STK24: variants seen among roughly 807,000 people sequenced by gnomAD.
The protein encoded by STK24 is serine/threonine-protein kinase 24.
STK24 carries 21 observed loss-of-function variants against 55.6 expected under a neutral mutation model. That is an observed-to-expected ratio of 0.38 (90% CI 0.27 to 0.54). STK24 has a LOEUF of 0.54. Ranked by LOEUF, STK24 falls within the 20% of genes least tolerant of loss-of-function variation. The pLI, the probability that STK24 is intolerant of heterozygous loss-of-function variation, is 0.79. For synonymous variants in STK24, 200 were observed against 215.2 expected (o/e 0.93, Z 0.62); for missense variants, 383 against 538.4 (o/e 0.71, Z 2.86).
At chr13:98,543,466 A>G (rs9556968) in intron 1 of STK24, among the ~76,000 whole-genome samples, 103,087 of 152,002 alleles carry the variant, frequency 0.68, 35,455 homozygotes, top group Non-Finnish European at 0.75. Flanking sequence ...CTGCTCTCAG[A>G]ACATTCTGGT....
At chr13:98,537,147 C>T (rs1358687698) in intron 1 of STK24, among the ~76,000 whole-genome samples, 1 of 152,236 alleles carries the variant, frequency 6.6e-6, no homozygotes, top group African/African-American at 2.4e-5. Flanking sequence ...ACTGTGACCC[C>T]CTCAAGACCT....
At chr13:98,460,557 T>A in intron 8 of STK24, 117 bp from the exon 9 acceptor site, 2 of 764,768 alleles carry the variant, frequency 2.6e-6, no homozygotes, top group Non-Finnish European at 4.4e-6. Context: ...CACTTCACGC[T>A]GAGGAAACAC....
chr13:98,490,987 A>G (rs905296941), intron 2 of STK24, among the ~76,000 whole-genome samples: 1 of 152,056 alleles, frequency 6.6e-6, no homozygotes, highest in Non-Finnish European at 1.5e-5. Flanking sequence ...GCAAAGATGC[A>G]TGGGGACCAG....
intron 2 of STK24, among the ~76,000 whole-genome samples, chr13:98,517,618 C>T (rs1177992108): frequency 6.6e-6 from 1 of 152,046 alleles, no homozygotes; most frequent in Admixed American, 6.6e-5. Flanking sequence ...TTACACAGCA[C>T]GACTCCATCT....
rs527582277 is a variant in STK24, at chr13:98,570,256, G to A, written c.42+6489C>T. ...AGGAGAGATCAAAGGGGCTGCCCTC[G>A]GGGAATAAGAAATGGCGGGAGGTGG... On this transcript the variant is annotated intron_variant, in intron 1 of 10. Coordinates refer to ENST00000539966, the MANE Select transcript of STK24 (RefSeq NM_001032296.4). 2.5e-4 allele frequency among the ~76,000 whole-genome samples: 38 copies of A among 152,238 alleles called. No individual in the cohort carries two copies. The South Asian group carries it at 7.1e-3, about 28-fold the overall frequency.
Position 98,448,268 on chromosome 13 carries a change from C to T in STK24, c.*4905G>A. The T allele has an allele frequency of 6.2e-7, 1 of 1,614,140 alleles. No homozygotes were observed. The highest frequency in any genetic ancestry group is 1.1e-5 in the South Asian group (1 of 91,078). ...GAAGTGATCCGCAGTGCCACCAGCT[C>T]TGCCTCGCGACCCCACGTGTTGAGT... is the stretch of plus-strand genomic sequence containing the variant. On this transcript the variant is annotated 3_prime_UTR_variant, in exon 11 of 11. Coordinates refer to ENST00000539966, the MANE Select transcript of STK24 (RefSeq NM_001032296.4).
chr13:98,468,037 C>T (rs896540583), intron 5 of STK24, among the ~76,000 whole-genome samples: 73 of 152,324 alleles, frequency 4.8e-4, no homozygotes, highest in African/African-American at 1.7e-3. Flanking sequence ...CTCTCACACT[C>T]ACTCTACAGC....
intron 1 of STK24, among the ~76,000 whole-genome samples, chr13:98,536,959 G>A (rs181064281): frequency 1.3e-5 from 2 of 151,668 alleles, no homozygotes; most frequent in Non-Finnish European, 2.9e-5. Flanking sequence ...GTGTGCCCCC[G>A]ACACTGGCCG....
chr13:98,535,394 TGTATACACACACACAC>T (rs1566392202), intron 1 of STK24, among the ~76,000 whole-genome samples: 10 of 104,124 alleles, frequency 9.6e-5, no homozygotes, highest in African/African-American at 3.8e-4. Flanking sequence ...TATATATGTG[TGTATACACACACACAC>T]ACACACACAC....
At position 98,450,597 on chromosome 13, in the gene STK24, C is replaced by G. The variant is rs1893141399; in HGVS notation, c.*2576G>C. The G allele has an allele frequency of 6.6e-6, 1 of 152,420 alleles. No individual in the cohort carries two copies. Among genetic ancestry groups the G allele is most frequent in the African/African-American group, 2.4e-5 (1 of 41,456 alleles). The allele number at this position is 152,420 out of a possible 1,614,324, so 9.4% of individuals were successfully genotyped here. ...GCTACCAGCCACCCAGTCCACGGCC[C>G]TCGTCTCCCAGAGGCTGAGTACCTC... On this transcript the variant is annotated 3_prime_UTR_variant, in exon 11 of 11. Transcript: ENST00000539966.
At chr13:98,540,326 C>T (rs1448904409) in intron 1 of STK24, among the ~76,000 whole-genome samples, 1 of 152,180 alleles carries the variant, frequency 6.6e-6, no homozygotes, top group Non-Finnish European at 1.5e-5. Context: ...CTGCATTTTA[C>T]ACCTGAAATG....
intron 2 of STK24, among the ~76,000 whole-genome samples, chr13:98,518,487 T>C (rs1450877814): frequency 2.6e-5 from 4 of 152,240 alleles, no homozygotes; most frequent in Admixed American, 6.5e-5. Context: ...CCAATTCTTA[T>C]GATTTCTAAA....
chr13:98,470,088 CATAAAT>C (rs1298287431), intron 5 of STK24, among the ~76,000 whole-genome samples: 2 of 152,192 alleles, frequency 1.3e-5, no homozygotes, highest in Non-Finnish European at 2.9e-5. Context: ...TAGGGAAACT[CATAAAT>C]ATAATTGAGT....
intron 3 of STK24, among the ~76,000 whole-genome samples, chr13:98,481,532 T>A (rs1894578515): frequency 6.6e-6 from 1 of 152,212 alleles, no homozygotes; most frequent in South Asian, 2.1e-4. Context: ...ACCCTGCCCC[T>A]TACTTCCAAA....
intron 2 of STK24, among the ~76,000 whole-genome samples, chr13:98,516,880 C>T (rs530799746): frequency 1.3e-5 from 2 of 152,294 alleles, no homozygotes; most frequent in African/African-American, 4.8e-5. Context: ...ACCGGGGCAA[C>T]CTTAGATCAA....
chr13:98,464,184 G>A lies in STK24; in HGVS notation c.784-348C>T, dbSNP rs146289853. On this transcript the variant is annotated intron_variant, in intron 6 of 10. Coordinates refer to ENST00000539966, the MANE Select transcript of STK24 (RefSeq NM_001032296.4). ...TGTAATCCCAGCACTTTCGGAGGCCGAGGCGGGCAGATCACGAGGTCAGGA... is the reference window on the plus strand; with the variant it reads ...TGTAATCCCAGCACTTTCGGAGGCCAAGGCGGGCAGATCACGAGGTCAGGA... 6.8e-3 allele frequency among the ~76,000 whole-genome samples: 1,042 copies of A among 152,208 alleles called. 11 individuals are homozygous for A. Among genetic ancestry groups the A allele is most frequent in the African/African-American group, 0.023 (976 of 41,552 alleles).
chr13:98,573,215 G>A (rs112108978), intron 1 of STK24, among the ~76,000 whole-genome samples: 2 of 152,284 alleles, frequency 1.3e-5, no homozygotes, highest in African/African-American at 4.8e-5. Context: ...TCTTACATGG[G>A]TCACGGTTCA....
chr13:98,504,307 A>G (rs1213990804), intron 2 of STK24, among the ~76,000 whole-genome samples: 1 of 152,240 alleles, frequency 6.6e-6, no homozygotes, highest in Non-Finnish European at 1.5e-5. Context: ...GCTTCTGTCA[A>G]CAACAGTCAA....
At chr13:98,550,164 G>A (rs966896891) in intron 1 of STK24, among the ~76,000 whole-genome samples, 15 of 152,324 alleles carry the variant, frequency 9.8e-5, no homozygotes, top group South Asian at 8.3e-4. Context: ...TTCATGAAAC[G>A]TCATTAACAC....
Sources: allele counts gnomAD v4.1 joint callset (sites outside exome capture counted in the v4.1 genomes callset), GRCh38; gene constraint gnomAD v4.1.1; transcripts MANE v1.5; gene names NCBI Gene and HGNC (gene_info 2026-07-23, HGNC 2026-07-21).